Variants in LRRC4C observed in about 807,000 individuals in gnomAD.
LRRC4C encodes the protein leucine-rich repeat-containing protein 4C.
LRRC4C carries 5 observed loss-of-function variants against 33.6 expected under a neutral mutation model. The observed-to-expected ratio is 0.15, with a 90% CI of 0.08 to 0.31. The LOEUF is 0.31. Ranked by LOEUF, LRRC4C falls within the 10% of genes least tolerant of loss-of-function variation. LRRC4C has a pLI of 1.00. For missense variants in LRRC4C, 560 were observed against 796.7 expected (o/e 0.70, Z 3.58); for synonymous variants, 329 against 302.0 (o/e 1.09, Z -0.93).
intron 3 of LRRC4C, among the ~76,000 whole-genome samples, chr11:40,461,791 A>T (rs1333737628): frequency 1.3e-5 from 2 of 151,290 alleles, no homozygotes; most frequent in Non-Finnish European, 2.9e-5. Flanking sequence ...TTTGGTGAAG[A>T]TTATTACTTT....
At chr11:41,012,972 G>T (rs1008329611) in intron 1 of LRRC4C, among the ~76,000 whole-genome samples, 1 of 151,996 alleles carries the variant, frequency 6.6e-6, no homozygotes, top group Non-Finnish European at 1.5e-5. Flanking sequence ...ATATACTCTG[G>T]TTAATAATCT....
At chr11:41,110,528 G>T (rs1941769260) in intron 1 of LRRC4C, among the ~76,000 whole-genome samples, 2 of 152,066 alleles carry the variant, frequency 1.3e-5, no homozygotes, top group Admixed American at 6.6e-5. Flanking sequence ...CAAGCTAAAT[G>T]TTAAGTAGTG....
At chr11:41,025,395 T>A (rs1030803468) in intron 1 of LRRC4C, among the ~76,000 whole-genome samples, 1 of 151,698 alleles carries the variant, frequency 6.6e-6, no homozygotes. Flanking sequence ...AACAGCCTTA[T>A]TGCTGATATG....
At chr11:40,679,265 C>CTT (rs371741482) in intron 2 of LRRC4C, among the ~76,000 whole-genome samples, 1 of 150,874 alleles carries the variant, frequency 6.6e-6, no homozygotes, top group African/African-American at 2.4e-5. Flanking sequence ...TTAAAGGCAC[C>CTT]TTTTTTTTTA....
At chr11:40,876,964 T>C (rs1016357782) in intron 2 of LRRC4C, among the ~76,000 whole-genome samples, 3 of 150,988 alleles carry the variant, frequency 2.0e-5, no homozygotes, top group African/African-American at 7.3e-5. Flanking sequence ...CTCTGGCCAG[T>C]GATCTACCTT....
At position 41,018,781 on chromosome 11, in the gene LRRC4C, G is replaced by A. The variant is rs575442511; in HGVS notation, c.-495-85058C>T. On this transcript the variant is annotated intron_variant, in intron 1 of 6. Transcript: ENST00000528697. ...GATTCCAATGCAGGTGACTCTGCGTGGTGGTGAATGCTAGGAGCTTGTTGC... is the reference window on the plus strand; with the variant it reads ...GATTCCAATGCAGGTGACTCTGCGTAGTGGTGAATGCTAGGAGCTTGTTGC... 3.3e-5 allele frequency among the ~76,000 whole-genome samples: 5 copies of A among 152,216 alleles called. No homozygotes were observed. In the East Asian group the frequency reaches 9.7e-4, roughly 30 times the overall value.
At chr11:40,440,793 C>T (rs1412816916) in intron 3 of LRRC4C, among the ~76,000 whole-genome samples, 1 of 152,072 alleles carries the variant, frequency 6.6e-6, no homozygotes, top group African/African-American at 2.4e-5. Flanking sequence ...GCCAACAGTT[C>T]TGCTGAGGAT....
chr11:40,582,586 G>C lies in LRRC4C; in HGVS notation c.-270+65556C>G, dbSNP rs556174974. Among the ~76,000 whole-genome samples, 6 of 143,698 alleles carry C rather than the reference G, an allele frequency of 4.2e-5. No individual in the cohort carries two copies. In the South Asian group the frequency reaches 9.0e-4, roughly 22 times the overall value. 94.3% of individuals were successfully genotyped at this position (143,698 alleles called of 152,430 possible). A position where few individuals can be genotyped will look rare whatever the true frequency, so the allele number is the denominator to read the frequency against. On this transcript the variant is annotated intron_variant, in intron 3 of 6. Transcript: ENST00000528697. ...GGCTGGAGTGCAGTGGTTCAATCTT[G>C]GCTCACTGCAACCTCTGCCTCCCAG...
intron 1 of LRRC4C, among the ~76,000 whole-genome samples, chr11:41,399,293 A>G (rs922233441): frequency 6.6e-6 from 1 of 151,980 alleles, no homozygotes; most frequent in Non-Finnish European, 1.5e-5. Flanking sequence ...TATCTTGAAC[A>G]CAGCAGAGGG....
intron 2 of LRRC4C, among the ~76,000 whole-genome samples, chr11:40,696,095 G>GTATATATATA (rs150296016): frequency 1.4e-5 from 2 of 139,220 alleles, no homozygotes; most frequent in African/African-American, 2.7e-5. Context: ...ATGAGTGTGT[G>GTATATATATA]TATATATATA....
chr11:41,371,564 C>T (rs1037078246), intron 1 of LRRC4C, among the ~76,000 whole-genome samples: 1 of 152,180 alleles, frequency 6.6e-6, no homozygotes, highest in Non-Finnish European at 1.5e-5. Flanking sequence ...AGAAAGAAAG[C>T]ATACTCCCCA....
intron 1 of LRRC4C, among the ~76,000 whole-genome samples, chr11:40,985,215 A>G (rs183972199): frequency 4.1e-4 from 63 of 152,232 alleles, no homozygotes; most frequent in African/African-American, 1.7e-4. Context: ...CTTTTGAGAT[A>G]CATGCTTTTT....
At chr11:40,268,652 A>T (rs1247033738) in intron 4 of LRRC4C, among the ~76,000 whole-genome samples, 2 of 147,726 alleles carry the variant, frequency 1.4e-5, no homozygotes, top group Non-Finnish European at 3.0e-5. Flanking sequence ...TAGCACTGGT[A>T]AAAAAAAAAT....
intron 1 of LRRC4C, among the ~76,000 whole-genome samples, chr11:41,065,930 A>C: frequency 6.6e-6 from 1 of 152,238 alleles, no homozygotes; most frequent in African/African-American, 2.4e-5. Flanking sequence ...CAAAGATCAA[A>C]GTTGGATAAA....
intron 2 of LRRC4C, among the ~76,000 whole-genome samples, chr11:40,814,022 G>A (rs553409141): frequency 1.4e-4 from 21 of 152,258 alleles, no homozygotes; most frequent in South Asian, 2.1e-4. Flanking sequence ...TTGAGTCAGC[G>A]TCTTTTCCAG....
At chr11:40,154,512 TG>T in intron 5 of LRRC4C, among the ~76,000 whole-genome samples, 1 of 151,954 alleles carries the variant, frequency 6.6e-6, no homozygotes, top group East Asian at 1.9e-4. Flanking sequence ...AGTAAAGGGG[TG>T]GAAAAAGCAA....
chr11:40,696,754 A>G (rs1467310199), intron 2 of LRRC4C, among the ~76,000 whole-genome samples: 5 of 138,334 alleles, frequency 3.6e-5, no homozygotes, highest in East Asian at 2.0e-4. Context: ...CTGTGTATAT[A>G]TATATATATA....
intron 1 of LRRC4C, among the ~76,000 whole-genome samples, chr11:41,120,576 G>C (rs142194691): frequency 0.011 from 1,748 of 152,240 alleles, 37 homozygotes; most frequent in African/African-American, 0.039. Context: ...GTTTGACAGT[G>C]GCTATATTAC....
intron 2 of LRRC4C, among the ~76,000 whole-genome samples, chr11:40,694,694 A>G (rs1945401486): frequency 6.6e-6 from 1 of 152,164 alleles, no homozygotes; most frequent in African/African-American, 2.4e-5. Flanking sequence ...GTCTGTTTTA[A>G]GGAGAAAACA....
Sources: gnomAD v4.1 joint callset for allele counts (sites outside exome capture counted in the v4.1 genomes callset) on GRCh38, gnomAD v4.1.1 for gene constraint, MANE v1.5 for transcripts, NCBI Gene and HGNC (gene_info 2026-07-23, HGNC 2026-07-21) for gene names.